Variants in GLI2 observed in about 807,000 individuals in gnomAD.
The protein encoded by GLI2 is transcription activator GLI2.
A neutral mutation model predicts 78.9 loss-of-function variants in GLI2; 22 were observed. The observed-to-expected ratio is 0.28, with a 90% CI of 0.20 to 0.40. The LOEUF (loss-of-function observed/expected upper bound fraction) is 0.40, where lower values mean the gene tolerates loss of function less well. Among genes scored for constraint, GLI2 ranks in the 10% least tolerant of loss-of-function variants. The pLI is 1.00. For synonymous variants in GLI2, 974 were observed against 963.7 expected (o/e 1.01, Z -0.20); for missense variants, 2,097 against 2,213.2 (o/e 0.95, Z 1.05).
At chr2:120,766,355 C>T (rs990717052) in intron 1 of GLI2, among the ~76,000 whole-genome samples, 7 of 152,192 alleles carry the variant, frequency 4.6e-5, no homozygotes, top group Non-Finnish European at 8.8e-5. Flanking sequence ...ACGGAGAGGG[C>T]CTCACGCCCC....
chr2:120,926,072 CAAAAAAAAAAAAA>C (rs35224973), intron 2 of GLI2, among the ~76,000 whole-genome samples: 5 of 63,236 alleles, frequency 7.9e-5, no homozygotes, highest in African/African-American at 2.4e-4. Flanking sequence ...GACTCCGTCT[CAAAAAAAAAAAAA>C]AAAAAAAAAA....
intron 2 of GLI2, among the ~76,000 whole-genome samples, chr2:120,840,260 T>C (rs533006104): frequency 9.2e-5 from 14 of 152,376 alleles, no homozygotes; most frequent in Admixed American, 7.8e-4. Context: ...TTCCTGGAAC[T>C]TTCTTATTCT....
chr2:120,873,539 T>C (rs768214594), intron 2 of GLI2, among the ~76,000 whole-genome samples: 12 of 152,182 alleles, frequency 7.9e-5, no homozygotes, highest in Non-Finnish European at 1.5e-4. Flanking sequence ...ACACCCACAG[T>C]GTCTATTCAA....
At chr2:120,787,573 G>A (rs1245160350) in intron 1 of GLI2, among the ~76,000 whole-genome samples, 1 of 152,176 alleles carries the variant, frequency 6.6e-6, no homozygotes, top group Non-Finnish European at 1.5e-5. Flanking sequence ...AGCCTGCCCG[G>A]GGCAGTGTGA....
chr2:120,981,568 G>A (rs1558934205), intron 10 of GLI2, among the ~76,000 whole-genome samples: 1 of 152,166 alleles, frequency 6.6e-6, no homozygotes, highest in Non-Finnish European at 1.5e-5. Flanking sequence ...GATGATATGA[G>A]CTGTGAGTTG....
chr2:120,898,590 G>A (rs1004417807), intron 2 of GLI2, among the ~76,000 whole-genome samples: 6 of 152,070 alleles, frequency 3.9e-5, no homozygotes, highest in African/African-American at 1.4e-4. Flanking sequence ...ATCACCACCC[G>A]GCTCTGGGTG....
At chr2:120,897,310 G>A (rs1432723515) in intron 2 of GLI2, among the ~76,000 whole-genome samples, 1 of 152,338 alleles carries the variant, frequency 6.6e-6, no homozygotes, top group African/African-American at 2.4e-5. Context: ...TCTGCCCAGA[G>A]TTGTCAGAGA....
Position 120,984,638 on chromosome 2 carries a change from G to A in GLI2, c.1800G>A (p.Glu600=). The part of the protein sequence containing the change: ...TPLLKENGDS[E]AGTEPGGPES... Reference sequence around the variant, plus strand: ...TGCTCAAAGAGAATGGGGACAGTGAGGCCGGCACGGAGCCTGGCGGCCCAG... The same window carrying A: ...TGCTCAAAGAGAATGGGGACAGTGAAGCCGGCACGGAGCCTGGCGGCCCAG... The change falls in exon 12 of 14, where the codon GAG becomes GAA. Residue 600 remains glutamate, a synonymous_variant. Transcript: ENST00000361492. The A allele has an allele frequency of 6.2e-7, 1 of 1,614,192 alleles. No individual in the cohort carries two copies. Among genetic ancestry groups the A allele is most frequent in the Non-Finnish European group, 8.5e-7 (1 of 1,180,036 alleles).
rs1252750249 is a variant in GLI2, at chr2:120,978,425, C to T, written c.1318-9C>T. The T allele has an allele frequency of 1.9e-6, 3 of 1,614,016 alleles. No homozygotes were observed. Among genetic ancestry groups the T allele is most frequent in the African/African-American group, 2.7e-5 (2 of 74,952 alleles). On this transcript the variant is annotated splice_polypyrimidine_tract_variant and intron_variant, in intron 9 of 13. Transcript: ENST00000361492. ...TGCTTACCCTCTTCTGGGCATGTCCCTCCGGCAGCACATCAACAACGAGCA... is the reference window on the plus strand; with the variant it reads ...TGCTTACCCTCTTCTGGGCATGTCCTTCCGGCAGCACATCAACAACGAGCA...
chr2:120,814,869 T>C (rs932847732), intron 2 of GLI2, among the ~76,000 whole-genome samples: 6 of 141,302 alleles, frequency 4.2e-5, no homozygotes, highest in Non-Finnish European at 6.0e-5. Flanking sequence ...TTCGGGACCA[T>C]TGGGGTAGAG....
chr2:120,793,938 A>G (rs950697701), intron 1 of GLI2, among the ~76,000 whole-genome samples: 3 of 152,212 alleles, frequency 2.0e-5, no homozygotes, highest in Admixed American at 6.5e-5. Flanking sequence ...TTCCTCCCCT[A>G]TAAGAACTGG....
intron 2 of GLI2, among the ~76,000 whole-genome samples, chr2:120,805,051 G>A (rs755685620): frequency 6.6e-6 from 1 of 152,214 alleles, no homozygotes; most frequent in Non-Finnish European, 1.5e-5. Flanking sequence ...CTGCAGGGTG[G>A]CTAGCAGAGC....
intron 2 of GLI2, among the ~76,000 whole-genome samples, chr2:120,838,123 C>T (rs1296683529): frequency 1.3e-5 from 2 of 152,194 alleles, no homozygotes; most frequent in African/African-American, 4.8e-5. Flanking sequence ...CACGGCCTTT[C>T]TCCCTATACT....
chr2:120,759,614 T>C (rs957869526), intron 1 of GLI2, among the ~76,000 whole-genome samples: 2 of 152,204 alleles, frequency 1.3e-5, no homozygotes, highest in Admixed American at 1.3e-4. Flanking sequence ...TTAGGAACCA[T>C]GTGCTCAGCT....
chr2:120,741,414 TC>T (rs1682534607), intron 1 of GLI2, among the ~76,000 whole-genome samples: 1 of 151,666 alleles, frequency 6.6e-6, no homozygotes, highest in African/African-American at 2.4e-5. Context: ...TCTTTCTCCT[TC>T]CCCTTTCTCT....
chr2:120,876,078 A>G (rs1321240347), intron 2 of GLI2, among the ~76,000 whole-genome samples: 1 of 152,204 alleles, frequency 6.6e-6, no homozygotes, highest in Non-Finnish European at 1.5e-5. Flanking sequence ...GCGGTGGCTC[A>G]CACCTGTAAT....
At chr2:120,825,860 C>T (rs1686031395) in intron 2 of GLI2, among the ~76,000 whole-genome samples, 1 of 152,238 alleles carries the variant, frequency 6.6e-6, no homozygotes, top group Non-Finnish European at 1.5e-5. Context: ...ATAATCTGGC[C>T]AGGGATCACA....
rs560886405 is a variant in GLI2 at position 120,910,860 on chromosome 2, T to A, written c.149-16501T>A. On this transcript the variant is annotated intron_variant, in intron 2 of 13. Coordinates refer to ENST00000361492, the MANE Select transcript of GLI2 (RefSeq NM_001374353.1). ...ATGCCGCTGCATGGCAGACCCATTC[T>A]GTTTTAAGGGGTTACATTTCCTTTT... Among the ~76,000 whole-genome samples, 313 of 152,388 alleles carry A rather than the reference T, an allele frequency of 2.1e-3. 1 individual carries two copies. The highest frequency in any genetic ancestry group is 7.2e-3 in the African/African-American group (298 of 41,592).
intron 2 of GLI2, among the ~76,000 whole-genome samples, chr2:120,917,072 C>T (rs772277237): frequency 1.3e-5 from 2 of 152,162 alleles, no homozygotes; most frequent in African/African-American, 2.4e-5. Flanking sequence ...TGGCCAGAAG[C>T]GACCTTAGCC....
Sources: gnomAD v4.1 joint callset for allele counts (sites outside exome capture counted in the v4.1 genomes callset) on GRCh38, gnomAD v4.1.1 for gene constraint, MANE v1.5 for transcripts, NCBI Gene and HGNC (gene_info 2026-07-23, HGNC 2026-07-21) for gene names.